TBC1D14: variants seen among roughly 807,000 people sequenced by gnomAD.
TBC1D14 encodes TBC1 domain family, member 14.
TBC1D14 carries 26 observed loss-of-function variants against 79.0 expected under a neutral mutation model. That is an observed-to-expected ratio of 0.33 (90% CI 0.24 to 0.46). TBC1D14 has a LOEUF of 0.46. Ranked by LOEUF, TBC1D14 falls within the 20% of genes least tolerant of loss-of-function variation. The pLI is 1.00. For synonymous variants in TBC1D14, 394 were observed against 349.9 expected, an observed-to-expected ratio of 1.13 and a Z score of -1.40; for missense variants, 769 against 887.6, an observed-to-expected ratio of 0.87 and a Z score of 1.70.
At chr4:6,948,576 G>A (rs1713709083) in intron 2 of TBC1D14, among the ~76,000 whole-genome samples, 1 of 152,078 alleles carries the variant, frequency 6.6e-6, no homozygotes. Context: ...CCTGGGGGGT[G>A]GGACAGGTGG....
Position 6,923,290 on chromosome 4 carries a change from C to G in TBC1D14, c.-17-83C>G, listed in dbSNP as rs575449725. On this transcript the variant is annotated intron_variant, in intron 1 of 13. Coordinates refer to ENST00000409757, the MANE Select transcript of TBC1D14 (RefSeq NM_020773.3). Reference sequence around the variant, plus strand: ...CAAGGCTTTCTCCCTTAAGTGAGATCAGACCATTTCAGCTGTGTGTCAGAG... The same window carrying G: ...CAAGGCTTTCTCCCTTAAGTGAGATGAGACCATTTCAGCTGTGTGTCAGAG... 74 of 1,443,464 alleles carry G rather than the reference C, an allele frequency of 5.1e-5. No individual in the cohort carries two copies. In the African/African-American group the frequency reaches 8.0e-4, roughly 16 times the overall value. 89.4% of individuals were successfully genotyped at this position (1,443,464 alleles called of 1,614,324 possible). A position where few individuals can be genotyped will look rare whatever the true frequency, so the allele number is the denominator to read the frequency against.
upstream of TBC1D14, chr4:6,909,757 A>AG (rs573904060): frequency 4.0e-3 from 416 of 103,272 alleles, 1 homozygote; most frequent in African/African-American, 0.014. Context: ...GGGCGTGCCC[A>AG]GGGGGCGGGC....
rs146475166 is a variant in TBC1D14 at position 6,937,205 on chromosome 4, C to T, written c.722+13094C>T. 2.8e-3 allele frequency among the ~76,000 whole-genome samples: 427 copies of T among 152,376 alleles called. 9 individuals carry two copies. Among genetic ancestry groups the T allele is most frequent in the Admixed American group, 0.025 (385 of 15,304 alleles). On this transcript the variant is annotated intron_variant, in intron 2 of 13. Transcript: ENST00000409757. ...GTGTTGGGATTACAGGCGTGAGCCA[C>T]CACGCTGGGCCTTTTTAAAAATTTT... is the stretch of plus-strand genomic sequence containing the variant.
chr4:6,984,883 G>A (rs926896396), intron 3 of TBC1D14, among the ~76,000 whole-genome samples: 1 of 152,152 alleles, frequency 6.6e-6, no homozygotes, highest in African/African-American at 2.4e-5. Flanking sequence ...CCTTGGACTC[G>A]GCAGTGGTGT....
intron 8 of TBC1D14, among the ~76,000 whole-genome samples, 166 bp from the exon 9 acceptor site, chr4:7,006,466 A>G (rs537492148): frequency 1.3e-5 from 2 of 152,344 alleles, no homozygotes; most frequent in African/African-American, 4.8e-5. Context: ...AAACCCTGCA[A>G]TCTGTTAAAT....
At chr4:6,991,676 A>G (rs1718504019) in intron 3 of TBC1D14, among the ~76,000 whole-genome samples, 2 of 152,238 alleles carry the variant, frequency 1.3e-5, no homozygotes, top group South Asian at 2.1e-4. Context: ...GGGATGGGGC[A>G]GCCCCTTCGG....
intron 3 of TBC1D14, among the ~76,000 whole-genome samples, chr4:6,991,932 T>A (rs1718545936): frequency 2.6e-5 from 4 of 152,228 alleles, no homozygotes; most frequent in Admixed American, 6.5e-5. Flanking sequence ...TTACTCCTAC[T>A]TTTTGTATCT....
At chr4:6,920,824 G>A (rs1220816425) in intron 1 of TBC1D14, among the ~76,000 whole-genome samples, 1 of 152,186 alleles carries the variant, frequency 6.6e-6, no homozygotes, top group South Asian at 2.1e-4. Flanking sequence ...TGTTGCCCAG[G>A]CTGGAGTGCA....
intron 3 of TBC1D14, among the ~76,000 whole-genome samples, chr4:6,979,850 A>G (rs1717204588): frequency 6.6e-6 from 1 of 152,234 alleles, no homozygotes; most frequent in Admixed American, 6.5e-5. Flanking sequence ...GACATTACCT[A>G]ATGAAGACAT....
At chr4:6,941,553 A>G (rs1302994688) in intron 2 of TBC1D14, among the ~76,000 whole-genome samples, 1 of 152,112 alleles carries the variant, frequency 6.6e-6, no homozygotes, top group Non-Finnish European at 1.5e-5. Flanking sequence ...GGGAAGGCAG[A>G]CACTTGCTGT....
rs1723035332 is a variant in TBC1D14 at position 7,031,483 on chromosome 4, C to G, written c.*1091C>G. On this transcript the variant is annotated 3_prime_UTR_variant, in exon 14 of 14. Coordinates refer to ENST00000409757, the MANE Select transcript of TBC1D14 (RefSeq NM_020773.3). ...ATCTCGTCAGATGCTCATACTGGAC[C>G]ATCAGCCTCCCCATTTTAGCTGACT... The G allele has an allele frequency of 6.6e-6, 1 of 152,272 alleles. No individual in the cohort carries two copies. Among genetic ancestry groups the G allele is most frequent in the South Asian group, 2.1e-4 (1 of 4,836 alleles). The allele number at this position is 152,272 out of a possible 1,614,324, so 9.4% of individuals were successfully genotyped here.
intron 3 of TBC1D14, among the ~76,000 whole-genome samples, chr4:6,982,997 A>G (rs1717516126): frequency 6.6e-6 from 1 of 152,080 alleles, no homozygotes; most frequent in African/African-American, 2.4e-5. Context: ...TACCTTTTGT[A>G]TTTTGTTCTG....
chr4:6,933,027 G>A (rs1295241466), intron 2 of TBC1D14, among the ~76,000 whole-genome samples: 3 of 151,978 alleles, frequency 2.0e-5, no homozygotes, highest in African/African-American at 4.8e-5. Context: ...TATAAACTGA[G>A]CTCATCATTT....
At chr4:6,994,081 A>G (rs1718769725) in intron 3 of TBC1D14, 103 bp from the exon 4 acceptor site, 1 of 1,019,808 alleles carries the variant, frequency 9.8e-7, no homozygotes, top group African/African-American at 1.6e-5. Context: ...TTGTCCTCGA[A>G]ATTGGCTTAA....
At chr4:6,992,371 A>G (rs1718591850) in intron 3 of TBC1D14, among the ~76,000 whole-genome samples, 1 of 152,236 alleles carries the variant, frequency 6.6e-6, no homozygotes, top group Non-Finnish European at 1.5e-5. Context: ...TCAGGGCGGC[A>G]GGCCCAGCCT....
intron 3 of TBC1D14, among the ~76,000 whole-genome samples, chr4:6,984,071 C>T (rs989707205): frequency 6.0e-5 from 9 of 148,962 alleles, no homozygotes; most frequent in African/African-American, 2.2e-4. Context: ...TTTACTGGGG[C>T]CTTTCACAGT....
chr4:7,032,926 T>G lies in TBC1D14; in HGVS notation c.*2534T>G, dbSNP rs1371261684. The G allele has an allele frequency of 6.6e-6, 1 of 152,554 alleles. No homozygotes were observed. Among genetic ancestry groups the G allele is most frequent in the Non-Finnish European group, 1.5e-5 (1 of 68,036 alleles). 9.5% of individuals were successfully genotyped at this position (152,554 alleles called of 1,614,324 possible). ...AACGGCATTCACTTCAGAAGGTACT[T>G]TTTAACTGCTCAGTTTTTGACTATT... is the stretch of plus-strand genomic sequence containing the variant. On this transcript the variant is annotated 3_prime_UTR_variant, in exon 14 of 14. Transcript: ENST00000409757.
intron 2 of TBC1D14, among the ~76,000 whole-genome samples, chr4:6,966,852 C>T (rs1428490884): frequency 6.6e-6 from 1 of 152,194 alleles, no homozygotes; most frequent in Non-Finnish European, 1.5e-5. Context: ...CTCTGTCACC[C>T]AGGCTGGAGT....
At chr4:6,997,942 G>A (rs1270522689) in intron 5 of TBC1D14, among the ~76,000 whole-genome samples, 1 of 152,168 alleles carries the variant, frequency 6.6e-6, no homozygotes, top group African/African-American at 2.4e-5. Flanking sequence ...ATGGATGGTG[G>A]TGTGGTTGTA....
Sources: gnomAD v4.1 joint callset for allele counts (sites outside exome capture counted in the v4.1 genomes callset) on GRCh38, gnomAD v4.1.1 for gene constraint, MANE v1.5 for transcripts, NCBI Gene and HGNC (gene_info 2026-07-23, HGNC 2026-07-21) for gene names.